Variants in KCNJ3 observed in about 807,000 individuals in gnomAD.
KCNJ3 encodes potassium inwardly rectifying channel subfamily J member 3.
A neutral mutation model predicts 39.2 loss-of-function variants in KCNJ3; 4 were observed. That is an observed-to-expected ratio of 0.10 (90% confidence interval 0.05 to 0.23). The LOEUF (loss-of-function observed/expected upper bound fraction) is 0.23. KCNJ3 is among the 10% of genes least tolerant of loss of function. The pLI, the probability that KCNJ3 is intolerant of heterozygous loss-of-function variation, is 1.00. For synonymous variants in KCNJ3, 230 were observed against 237.4 expected (o/e 0.97, Z 0.29); for missense variants, 276 against 634.9 (o/e 0.43, Z 6.08).
chr2:154,734,300 T>C (rs776672011), intron 2 of KCNJ3, among the ~76,000 whole-genome samples: 15 of 152,210 alleles, frequency 9.9e-5, no homozygotes, highest in Non-Finnish European at 1.6e-4. Context: ...CTGGAAATAC[T>C]TGTCCTAAGA....
chr2:154,843,884 T>C (rs763905698), intron 2 of KCNJ3, among the ~76,000 whole-genome samples: 1 of 152,194 alleles, frequency 6.6e-6, no homozygotes, highest in Non-Finnish European at 1.5e-5. Context: ...CTATGGGTTC[T>C]AACATCCTCC....
intron 2 of KCNJ3, among the ~76,000 whole-genome samples, chr2:154,815,788 T>C (rs1456844774): frequency 6.6e-6 from 1 of 152,246 alleles, no homozygotes; most frequent in Non-Finnish European, 1.5e-5. Flanking sequence ...GACAGAATAC[T>C]GCTGTTCTTA....
intron 2 of KCNJ3, among the ~76,000 whole-genome samples, chr2:154,786,736 A>T (rs1237685749): frequency 6.6e-6 from 1 of 152,210 alleles, no homozygotes; most frequent in Non-Finnish European, 1.5e-5. Context: ...CACAAAATGA[A>T]TTTTATTTTA....
chr2:154,719,926 T>G (rs1318769713), intron 2 of KCNJ3, among the ~76,000 whole-genome samples: 2 of 152,114 alleles, frequency 1.3e-5, no homozygotes, highest in Non-Finnish European at 2.9e-5. Context: ...TTGATTAGTT[T>G]TAACTTTGTT....
At position 154,699,216 on chromosome 2, in the gene KCNJ3, C is replaced by T; in HGVS notation, c.441C>T (p.Gly147=). The change falls in exon 1 of 3, where the codon GGC becomes GGT. Residue 147 remains glycine, a synonymous_variant. Transcript: ENST00000295101. This position sits in a 1 kb window ranked among gnomAD's most constrained non-coding sequence, Gnocchi z 6.4. ...AGACGGAGGCCACCATCGGCTATGGCTACCGATACATCACAGACAAGTGCC... is the reference window on the plus strand; with the variant it reads ...AGACGGAGGCCACCATCGGCTATGGTTACCGATACATCACAGACAAGTGCC... ...FIETEATIGY[G]YRYITDKCPE... 6.2e-7 allele frequency: 1 copy of T among 1,614,096 alleles called. No individual in the cohort carries two copies. Among genetic ancestry groups the T allele is most frequent in the Non-Finnish European group, 8.5e-7 (1 of 1,180,042 alleles).
intron 2 of KCNJ3, among the ~76,000 whole-genome samples, chr2:154,757,236 G>T (rs531152722): frequency 2.6e-5 from 4 of 152,204 alleles, no homozygotes; most frequent in Admixed American, 2.6e-4. Flanking sequence ...AAGGTGGGGT[G>T]GCTTTTTTCA....
chr2:154,811,590 C>T (rs1333263860), intron 2 of KCNJ3, among the ~76,000 whole-genome samples: 1 of 152,160 alleles, frequency 6.6e-6, no homozygotes, highest in Non-Finnish European at 1.5e-5. Context: ...CTGTGCCCGG[C>T]CCAATCTATC....
chr2:154,740,011 A>G (rs1383844161), intron 2 of KCNJ3, among the ~76,000 whole-genome samples: 4 of 152,038 alleles, frequency 2.6e-5, no homozygotes, highest in African/African-American at 9.7e-5. Flanking sequence ...GATGAGAAGA[A>G]AATCTCTTTA....
chr2:154,784,316 A>G (rs893841499), intron 2 of KCNJ3, among the ~76,000 whole-genome samples: 1 of 152,246 alleles, frequency 6.6e-6, no homozygotes, highest in Non-Finnish European at 1.5e-5. Context: ...TGAAAAGTGG[A>G]CATGACTTTT....
intron 2 of KCNJ3, among the ~76,000 whole-genome samples, chr2:154,780,073 A>G (rs1686407912): frequency 6.6e-6 from 1 of 152,208 alleles, no homozygotes; most frequent in African/African-American, 2.4e-5. Context: ...AGAGAATGAA[A>G]TGTACTACCT....
chr2:154,855,079 A>G lies in KCNJ3; in HGVS notation c.1272A>G (p.Ser424=). 1 of 1,614,134 alleles carries G rather than the reference A, an allele frequency of 6.2e-7. No homozygotes were observed. The highest frequency in any genetic ancestry group is 8.5e-7 in the Non-Finnish European group (1 of 1,179,982). The change falls in exon 3 of 3, where the codon TCA becomes TCG. Residue 424 remains serine, a synonymous_variant. Transcript: ENST00000295101. ...TCTTGAGGATGAGTTCTACAACTTCAGAAAAAGCCTACAGCTTGGGAGACT... is the reference window on the plus strand; with the variant it reads ...TCTTGAGGATGAGTTCTACAACTTCGGAAAAAGCCTACAGCTTGGGAGACT... ...KKLLRMSSTT[S]EKAYSLGDLP...
intron 2 of KCNJ3, among the ~76,000 whole-genome samples, chr2:154,718,493 G>T (rs1265759422): frequency 6.6e-6 from 1 of 152,164 alleles, no homozygotes; most frequent in Admixed American, 6.5e-5. Flanking sequence ...CTAAAACCAA[G>T]AAAGTCCTGT....
intron 2 of KCNJ3, among the ~76,000 whole-genome samples, chr2:154,850,230 T>C (rs2105139081): frequency 6.6e-6 from 1 of 152,028 alleles, no homozygotes; most frequent in Non-Finnish European, 1.5e-5. Flanking sequence ...CATAGTACCC[T>C]TTGAATAATA....
chr2:154,778,474 A>T (rs1269233673), intron 2 of KCNJ3, among the ~76,000 whole-genome samples: 1 of 152,146 alleles, frequency 6.6e-6, no homozygotes, highest in Admixed American at 6.6e-5. Flanking sequence ...TCCCTAAGAC[A>T]GGAAGTGTGT....
At chr2:154,771,755 G>C (rs10497144) in intron 2 of KCNJ3, among the ~76,000 whole-genome samples, 9,548 of 152,182 alleles carry the variant, frequency 0.063, 365 homozygotes, top group East Asian at 0.19. Flanking sequence ...AATACACTCT[G>C]GGAACTAGAC....
chr2:154,734,504 C>G (rs1314430716), intron 2 of KCNJ3, among the ~76,000 whole-genome samples: 1 of 152,146 alleles, frequency 6.6e-6, no homozygotes, highest in Admixed American at 6.5e-5. Flanking sequence ...CAAAACAAAA[C>G]AAAACAAACA....
At chr2:154,810,577 G>A (rs573785191) in intron 2 of KCNJ3, among the ~76,000 whole-genome samples, 2 of 151,982 alleles carry the variant, frequency 1.3e-5, no homozygotes, top group East Asian at 1.9e-4. Flanking sequence ...GTAGAAGAAT[G>A]AAAAATAAAT....
intron 2 of KCNJ3, among the ~76,000 whole-genome samples, chr2:154,830,656 C>CTT (rs1159898718): frequency 6.6e-6 from 1 of 152,022 alleles, no homozygotes; most frequent in Admixed American, 6.6e-5. Flanking sequence ...TGAGGTGACA[C>CTT]TTTGGTCATA....
At chr2:154,827,681 G>A (rs185977698) in intron 2 of KCNJ3, among the ~76,000 whole-genome samples, 8 of 150,298 alleles carry the variant, frequency 5.3e-5, no homozygotes, top group Admixed American at 4.7e-4. Context: ...GGCTATATAG[G>A]TGCTTTCTAT....
Sources: gnomAD v4.1 joint callset for allele counts (sites outside exome capture counted in the v4.1 genomes callset) on GRCh38, gnomAD v4.1.1 for gene constraint, Gnocchi (gnomAD v3.1) non-coding constraint, MANE v1.5 for transcripts, NCBI Gene and HGNC (gene_info 2026-07-23, HGNC 2026-07-21) for gene names.